Variants in TAFA4 observed in about 807,000 individuals in gnomAD.
The protein encoded by TAFA4 is TAFA chemokine like family member 4, also known as chemokine-like protein TAFA-4.
A neutral mutation model predicts 21.1 loss-of-function variants in TAFA4; 20 were observed. That is an observed-to-expected ratio of 0.95 (90% CI 0.67 to 1.38). The LOEUF (loss-of-function observed/expected upper bound fraction) is 1.38. Among genes scored for constraint, TAFA4 ranks in the 40% most tolerant of loss-of-function variants. TAFA4 has a pLI of 0.00. For synonymous variants in TAFA4, 71 were observed against 67.4 expected (o/e 1.05, Z -0.26); for missense variants, 211 against 180.9 (o/e 1.17, Z -0.95).
chr3:68,792,832 A>G (rs766938533), intron 3 of TAFA4, among the ~76,000 whole-genome samples: 16 of 152,206 alleles, frequency 1.1e-4, no homozygotes, highest in Non-Finnish European at 2.1e-4. Context: ...CTTTGCTTCC[A>G]TTCCTAATGA....
At chr3:68,771,069 G>C (rs1702947961) in intron 3 of TAFA4, among the ~76,000 whole-genome samples, 1 of 152,058 alleles carries the variant, frequency 6.6e-6, no homozygotes, top group South Asian at 2.1e-4. Context: ...TCCAGCCCCT[G>C]GGTGGCCTGT....
At chr3:68,925,192 C>T (rs903313293) in intron 1 of TAFA4, among the ~76,000 whole-genome samples, 1 of 151,970 alleles carries the variant, frequency 6.6e-6, no homozygotes, top group Non-Finnish European at 1.5e-5. Context: ...GATTTGGGTC[C>T]ATGGATATCT....
intron 1 of TAFA4, among the ~76,000 whole-genome samples, chr3:68,918,138 C>CACACAA (rs1184253366): frequency 2.7e-5 from 4 of 149,674 alleles, no homozygotes; most frequent in African/African-American, 1.0e-4. Flanking sequence ...CACATACACA[C>CACACAA]ACACACACAC....
intron 3 of TAFA4, among the ~76,000 whole-genome samples, chr3:68,863,858 T>A (rs1294486570): frequency 6.6e-6 from 1 of 152,176 alleles, no homozygotes; most frequent in African/African-American, 2.4e-5. Flanking sequence ...TTTCAAGTAT[T>A]CTCAGCAACT....
intron 3 of TAFA4, among the ~76,000 whole-genome samples, chr3:68,825,795 T>A (rs1306559530): frequency 6.6e-6 from 1 of 152,208 alleles, no homozygotes; most frequent in Non-Finnish European, 1.5e-5. Flanking sequence ...CAAGGCTCCA[T>A]CTTGGATTCT....
chr3:68,783,185 A>T (rs1703182393), intron 3 of TAFA4, among the ~76,000 whole-genome samples: 1 of 152,232 alleles, frequency 6.6e-6, no homozygotes, highest in South Asian at 2.1e-4. Flanking sequence ...ACAACTATGA[A>T]GATCAAATGC....
chr3:68,748,690 G>T lies in TAFA4; in HGVS notation c.286+4173C>A, dbSNP rs144971886. On this transcript the variant is annotated intron_variant, in intron 4 of 5. Transcript: ENST00000295569. ...ACCCGGGAGGCAGAGGTTGCCGTGAGCAGAGAGCACGCCACTGCACTCCAG... is the reference window on the plus strand; with the variant it reads ...ACCCGGGAGGCAGAGGTTGCCGTGATCAGAGAGCACGCCACTGCACTCCAG... Among the ~76,000 whole-genome samples, 46 of 150,984 alleles carry T rather than the reference G, an allele frequency of 3.0e-4. No homozygotes were observed. The East Asian group carries it at 8.8e-3, about 29-fold the overall frequency.
At chr3:68,805,308 A>G (rs376261906) in intron 3 of TAFA4, among the ~76,000 whole-genome samples, 36 of 152,196 alleles carry the variant, frequency 2.4e-4, no homozygotes, top group East Asian at 7.7e-4. Flanking sequence ...GAAACAACAG[A>G]TGCTGGAGAG....
chr3:68,919,768 A>C (rs574964648), intron 1 of TAFA4, among the ~76,000 whole-genome samples: 2 of 152,296 alleles, frequency 1.3e-5, no homozygotes, highest in Non-Finnish European at 2.9e-5. Flanking sequence ...TACAGATTTT[A>C]TTGATAATGT....
intron 3 of TAFA4, among the ~76,000 whole-genome samples, chr3:68,797,764 T>C (rs970802891): frequency 6.6e-6 from 1 of 151,906 alleles, no homozygotes; most frequent in African/African-American, 2.4e-5. Context: ...AGACAGAAAG[T>C]AGAACGGTGG....
intron 3 of TAFA4, among the ~76,000 whole-genome samples, chr3:68,833,010 G>T (rs1704436775): frequency 6.6e-6 from 1 of 152,252 alleles, no homozygotes; most frequent in Non-Finnish European, 1.5e-5. Context: ...GACGTGCCAA[G>T]CCAGGCACAG....
chr3:68,733,035 T>C lies in TAFA4; in HGVS notation c.*107A>G, dbSNP rs1702177091. On this transcript the variant is annotated 3_prime_UTR_variant, in exon 6 of 6. Coordinates refer to ENST00000295569, the MANE Select transcript of TAFA4 (RefSeq NM_182522.5). ...CAGCTCACATATACAAATATGAAGT[T>C]GCTGAAATCCTAGACAATTTTCTGC... 1.4e-6 allele frequency: 2 copies of C among 1,465,084 alleles called. No homozygotes were observed. The highest frequency in any genetic ancestry group is 2.8e-5 in the African/African-American group (2 of 71,416). 90.8% of individuals were successfully genotyped at this position (1,465,084 alleles called of 1,614,324 possible). A position where few individuals can be genotyped will look rare whatever the true frequency, so the allele number is the denominator to read the frequency against.
chr3:68,834,015 T>G (rs1704461832), intron 3 of TAFA4, among the ~76,000 whole-genome samples: 2 of 152,162 alleles, frequency 1.3e-5, no homozygotes, highest in South Asian at 4.1e-4. Flanking sequence ...CTCTTCATGC[T>G]CCATTAGCCA....
chr3:68,900,283 C>CAATAAT (rs60973878), intron 1 of TAFA4, among the ~76,000 whole-genome samples: 7 of 120,676 alleles, frequency 5.8e-5, no homozygotes, highest in South Asian at 2.5e-4. Context: ...ATAATAATAA[C>CAATAAT]AATAATAATA....
intron 3 of TAFA4, among the ~76,000 whole-genome samples, chr3:68,765,866 A>G (rs1252908535): frequency 1.3e-5 from 2 of 152,100 alleles, no homozygotes; most frequent in Non-Finnish European, 2.9e-5. Context: ...CCTCACTTTA[A>G]AGGACCTCAA....
intron 3 of TAFA4, among the ~76,000 whole-genome samples, chr3:68,845,382 T>TTATTTTGAGCC (rs1336443594): frequency 6.6e-6 from 1 of 152,164 alleles, no homozygotes; most frequent in Non-Finnish European, 1.5e-5. Context: ...TTCCATTCCT[T>TTATTTTGAGCC]TATTTTGAGC....
At chr3:68,857,655 A>G (rs987433473) in intron 3 of TAFA4, among the ~76,000 whole-genome samples, 2 of 152,150 alleles carry the variant, frequency 1.3e-5, no homozygotes, top group African/African-American at 4.8e-5. Flanking sequence ...CTTGAATGTT[A>G]CAAGTCCTGA....
At chr3:68,754,701 T>G (rs566781919) in intron 3 of TAFA4, among the ~76,000 whole-genome samples, 12 of 152,332 alleles carry the variant, frequency 7.9e-5, no homozygotes, top group African/African-American at 2.9e-4. Flanking sequence ...ATATATCCCA[T>G]TCTTTATCAA....
intron 5 of TAFA4, among the ~76,000 whole-genome samples, chr3:68,734,958 C>T (rs1702212570): frequency 6.6e-6 from 1 of 152,126 alleles, no homozygotes; most frequent in South Asian, 2.1e-4. Flanking sequence ...TGATAAAATG[C>T]TCTCAGACTT....
Sources: allele counts gnomAD v4.1 joint callset (sites outside exome capture counted in the v4.1 genomes callset), GRCh38; gene constraint gnomAD v4.1.1; transcripts MANE v1.5; gene names NCBI Gene and HGNC (gene_info 2026-07-23, HGNC 2026-07-21).